NUP93: variants seen among roughly 807,000 people sequenced by gnomAD.
The protein encoded by NUP93 is nuclear pore complex protein Nup93.
Under a neutral mutation model 107.8 loss-of-function variants are expected in NUP93, and 55 were observed. That is an observed-to-expected ratio of 0.51 (90% confidence interval 0.41 to 0.64). NUP93 has a LOEUF of 0.64. Ranked by LOEUF, NUP93 falls within the 30% of genes least tolerant of loss-of-function variation. The pLI is 0.00. For missense variants in NUP93, 937 were observed against 1,044.7 expected (o/e 0.90, Z 1.42); for synonymous variants, 390 against 397.5 (o/e 0.98, Z 0.22).
rs765877310 is a variant in NUP93 at position 56,834,183 on chromosome 16, C to T, written c.1593C>T (p.Leu531=). ...TGCGGCGGCTGAACTTCGTGCGGCT[C>T]CTCATGCTGTACACCCGGAAGTTTG... ...PCLRRLNFVR[L]LMLYTRKFES... Residue 531 remains leucine (L), a synonymous_variant, in exon 14 of 22, where the codon CTC becomes CTT. Transcript: ENST00000308159. The T allele has an allele frequency of 1.2e-6, 2 of 1,614,174 alleles. No homozygotes were observed. The highest frequency in any genetic ancestry group is 1.1e-5 in the South Asian group (1 of 91,082).
rs150077396 is a variant in NUP93, at chr16:56,832,552, A to G, written c.1345+164A>G. Among the ~76,000 whole-genome samples the G allele has an allele frequency of 1.2e-3, 177 of 152,374 alleles. No homozygotes were observed. The highest frequency in any genetic ancestry group is 2.0e-3 in the Non-Finnish European group (138 of 68,042). On this transcript the variant is annotated intron_variant, in intron 12 of 21. Coordinates refer to ENST00000308159, the MANE Select transcript of NUP93 (RefSeq NM_014669.5). ...AACAAAACTACCATTCCAAATTCAAATAAAGGGCATGTGGCCTTAAGAAAT... is the reference window on the plus strand; with the variant it reads ...AACAAAACTACCATTCCAAATTCAAGTAAAGGGCATGTGGCCTTAAGAAAT...
At chr16:56,815,500 C>T (rs911635434) in intron 5 of NUP93, among the ~76,000 whole-genome samples, 1 of 152,164 alleles carries the variant, frequency 6.6e-6, no homozygotes, top group African/African-American at 2.4e-5. Context: ...TTTCAGCCTG[C>T]ACAAAGTGAA....
At chr16:56,805,858 T>C (rs1418688014) in intron 5 of NUP93, among the ~76,000 whole-genome samples, 2 of 151,968 alleles carry the variant, frequency 1.3e-5, no homozygotes, top group African/African-American at 4.8e-5. Flanking sequence ...CTGACCTCTA[T>C]AGGTTTGAGT....
intron 3 of NUP93, among the ~76,000 whole-genome samples, chr16:56,761,689 G>A (rs2144487364): frequency 6.6e-6 from 1 of 152,236 alleles, no homozygotes; most frequent in Non-Finnish European, 1.5e-5. Flanking sequence ...TCTTTGACAA[G>A]TACCGTCCAG....
intron 3 of NUP93, among the ~76,000 whole-genome samples, chr16:56,781,405 C>T (rs1349693478): frequency 3.3e-5 from 5 of 152,154 alleles, no homozygotes. Flanking sequence ...GACAAGGGCA[C>T]AATGATCCGA....
Position 56,821,487 on chromosome 16 carries a change from GC to G in NUP93, c.565-16del. 6.5e-7 allele frequency: 1 copy of G among 1,528,122 alleles called. No homozygotes were observed. The highest frequency in any genetic ancestry group is 9.1e-7 in the Non-Finnish European group (1 of 1,102,554). 94.7% of individuals were successfully genotyped at this position (1,528,122 alleles called of 1,614,324 possible). Reference sequence around the variant, plus strand: ...AAATAGATACTTTGCCATTTACTTTGCTTTTTATCATTTCAGATTTATATCT... The same window carrying G: ...AAATAGATACTTTGCCATTTACTTTGTTTTTATCATTTCAGATTTATATCT... On this transcript the variant is annotated splice_polypyrimidine_tract_variant and intron_variant, in intron 6 of 21. Coordinates refer to ENST00000308159, the MANE Select transcript of NUP93 (RefSeq NM_014669.5).
intron 4 of NUP93, among the ~76,000 whole-genome samples, chr16:56,799,612 C>T (rs749266770): frequency 5.3e-5 from 8 of 152,160 alleles, no homozygotes; most frequent in Non-Finnish European, 7.4e-5. Context: ...CTAGCAGTGG[C>T]CCTCTCTGCA....
At chr16:56,808,687 ATT>A (rs1963237298) in intron 5 of NUP93, among the ~76,000 whole-genome samples, 4 of 132,438 alleles carry the variant, frequency 3.0e-5, no homozygotes, top group African/African-American at 1.1e-4. Flanking sequence ...AAATACATAT[ATT>A]TATAAATATA....
At chr16:56,843,121 G>A (rs910281826) in intron 21 of NUP93, among the ~76,000 whole-genome samples, 1 of 152,184 alleles carries the variant, frequency 6.6e-6, no homozygotes, top group African/African-American at 2.4e-5. Flanking sequence ...CCACTGAAGC[G>A]GTCAGCCCAT....
At chr16:56,743,698 C>A (rs545017054) in intron 1 of NUP93, among the ~76,000 whole-genome samples, 2 of 152,268 alleles carry the variant, frequency 1.3e-5, no homozygotes, top group African/African-American at 2.4e-5. Context: ...ACGGTTAGAT[C>A]AAAAAACTGA....
intron 3 of NUP93, among the ~76,000 whole-genome samples, chr16:56,777,690 C>T (rs756112236): frequency 3.3e-5 from 5 of 152,192 alleles, no homozygotes; most frequent in Non-Finnish European, 7.3e-5. Flanking sequence ...ACTTCCGTGG[C>T]TGTAGTTGCA....
chr16:56,812,441 T>C (rs1963336600), intron 5 of NUP93, among the ~76,000 whole-genome samples: 2 of 152,254 alleles, frequency 1.3e-5, no homozygotes, highest in Admixed American at 1.3e-4. Flanking sequence ...CCTCCCGGGT[T>C]CGTGCCATTC....
Position 56,832,409 on chromosome 16 carries a change from A to ACCTTT in NUP93, c.1345+24_1345+28dup, listed in dbSNP as rs754817964. On this transcript the variant is annotated intron_variant, in intron 12 of 21. Coordinates refer to ENST00000308159, the MANE Select transcript of NUP93 (RefSeq NM_014669.5). ...CTATGGTAAGATTCTGGACATAACC[A>ACCTTT]CCTTTCCCTTCTCTTGTCCACTTAA... The ACCTTT allele has an allele frequency of 3.2e-6, 5 of 1,581,268 alleles. No homozygotes were observed. In the South Asian group the frequency reaches 5.5e-5, roughly 17 times the overall value.
chr16:56,830,089 G>A lies in NUP93; in HGVS notation c.928-439G>A, dbSNP rs7203309. On this transcript the variant is annotated intron_variant, in intron 9 of 21. Coordinates refer to ENST00000308159, the MANE Select transcript of NUP93 (RefSeq NM_014669.5). ...AGATACTGAGTAAAATGTTTATGAC[G>A]TTTTATAAACTTGAGTGCTATAAGG... Among the ~76,000 whole-genome samples the A allele has an allele frequency of 4.8e-3, 738 of 152,322 alleles. 6 individuals are homozygous for A. The highest frequency in any genetic ancestry group is 0.017 in the African/African-American group (700 of 41,570).
Position 56,834,430 on chromosome 16 carries a change from T to A in NUP93, c.1725T>A (p.Ile575=). ...TGCGCTGTGTGAGTGAGCTTGTGAT[T>A]GAAAGCCGAGAGGTGAGTGGGTTTC... ...MFLRCVSELV[I]ESREFDMILG... is the part of the protein sequence containing the mutation. The change falls in exon 15 of 22, where the codon ATT becomes ATA. Residue 575 remains isoleucine (I), a synonymous_variant. Transcript: ENST00000308159. 1 of 1,614,242 alleles carries A rather than the reference T, an allele frequency of 6.2e-7. No individual in the cohort carries two copies. The highest frequency in any genetic ancestry group is 8.5e-7 in the Non-Finnish European group (1 of 1,180,028).
intron 4 of NUP93, among the ~76,000 whole-genome samples, chr16:56,801,215 T>C (rs1181237204): frequency 2.6e-5 from 4 of 152,162 alleles, no homozygotes; most frequent in African/African-American, 9.6e-5. Context: ...TTCCCTCTCA[T>C]TAGTTCCTCT....
chr16:56,781,762 C>T (rs1225676107), intron 3 of NUP93: 1 of 918,028 alleles, frequency 1.1e-6, no homozygotes. Context: ...TGTTGTCTCT[C>T]CCCCTCTTAA....
intron 20 of NUP93, among the ~76,000 whole-genome samples, chr16:56,841,321 G>A (rs1964019951): frequency 6.6e-6 from 1 of 152,014 alleles, no homozygotes; most frequent in Non-Finnish European, 1.5e-5. Context: ...GAGTGGTAGG[G>A]ACTGTGGAGA....
intron 8 of NUP93, among the ~76,000 whole-genome samples, chr16:56,826,725 C>T (rs1277434667): frequency 1.3e-5 from 2 of 151,788 alleles, no homozygotes; most frequent in African/African-American, 2.4e-5. Context: ...CCGTTCTTGA[C>T]GTGTATTTTT....
Sources: gnomAD v4.1 joint callset for allele counts (sites outside exome capture counted in the v4.1 genomes callset) on GRCh38, gnomAD v4.1.1 for gene constraint, MANE v1.5 for transcripts, NCBI Gene and HGNC (gene_info 2026-07-23, HGNC 2026-07-21) for gene names.